The following DENND2C variants were observed in gnomAD, a reference collection of about 807,000 sequenced individuals.
The protein encoded by DENND2C is DENN domain-containing protein 2C.
A neutral mutation model predicts 112.4 loss-of-function variants in DENND2C; 72 were observed. The ratio of observed to expected loss-of-function variants is 0.64; its 90% CI spans 0.53 to 0.78. DENND2C has a LOEUF of 0.78. DENND2C is among the 30% of genes least tolerant of loss of function. The pLI, the probability that DENND2C is intolerant of heterozygous loss-of-function variation, is 0.00. For missense variants in DENND2C, 992 were observed against 1,113.8 expected (o/e 0.89, Z 1.56); for synonymous variants, 329 against 381.6 (o/e 0.86, Z 1.61).
At chr1:114,657,018 T>G (rs1193671629) in intron 1 of DENND2C, among the ~76,000 whole-genome samples, 1 of 152,230 alleles carries the variant, frequency 6.6e-6, no homozygotes, top group African/African-American at 2.4e-5. Context: ...CCCAAAGTGC[T>G]GGGATTACAG....
Position 114,609,381 on chromosome 1 carries a change from T to C in DENND2C, c.1370-508A>G, listed in dbSNP as rs2101654079. 1.3e-5 allele frequency among the ~76,000 whole-genome samples: 2 copies of C among 152,338 alleles called. 1 individual carries two copies. The highest frequency in any genetic ancestry group is 3.9e-4 in the East Asian group (2 of 5,194). ...AAAATTTTCCTCACATTGAAGAAACTGTCCAGTTCCCTTCTCTCCTTGCCA... is the reference window on the plus strand; with the variant it reads ...AAAATTTTCCTCACATTGAAGAAACCGTCCAGTTCCCTTCTCTCCTTGCCA... On this transcript the variant is annotated intron_variant, in intron 9 of 20. Coordinates refer to ENST00000393274, the MANE Select transcript of DENND2C (RefSeq NM_001256404.2).
chr1:114,594,337 A>C (rs1655281442), intron 18 of DENND2C, 136 bp downstream of exon 18: 4 of 681,284 alleles, frequency 5.9e-6, no homozygotes, highest in Non-Finnish European at 1.0e-5. Context: ...ATAAGCAAGG[A>C]AGCTGATTAT....
intron 8 of DENND2C, among the ~76,000 whole-genome samples, chr1:114,615,911 T>A (rs1357657510): frequency 6.6e-6 from 1 of 151,852 alleles, no homozygotes; most frequent in Non-Finnish European, 1.5e-5. Context: ...CCGTCTCTAC[T>A]AAAAATACAA....
At chr1:114,654,336 G>A (rs1657248049) in intron 2 of DENND2C, among the ~76,000 whole-genome samples, 169 bp downstream of exon 2, 1 of 152,142 alleles carries the variant, frequency 6.6e-6, no homozygotes, top group South Asian at 2.1e-4. Flanking sequence ...GGAGGCTGAG[G>A]CAGGGGAATG....
At position 114,585,577 on chromosome 1, in the gene DENND2C, C is replaced by G; in HGVS notation, c.*23G>C. 4 of 1,612,928 alleles carry G rather than the reference C, an allele frequency of 2.5e-6. No homozygotes were observed. Among genetic ancestry groups the G allele is most frequent in the Non-Finnish European group, 3.4e-6 (4 of 1,179,134 alleles). ...TCTTTGGCACTTTCTGTTGTATATT[C>G]AGGATGGAGACAATCAGAGATTTCA... On this transcript the variant is annotated 3_prime_UTR_variant, in exon 21 of 21. Transcript: ENST00000393274.
intron 7 of DENND2C, 98 bp from the exon 8 acceptor site, chr1:114,618,580 ACCT>A (rs1656067913): frequency 3.2e-6 from 2 of 625,254 alleles, no homozygotes. Flanking sequence ...CAGAGAAAAG[ACCT>A]ATTTTATAAA....
rs1161725566 is a variant in DENND2C at position 114,585,540 on chromosome 1, A to G, written c.*60T>C. 4.4e-6 allele frequency: 7 copies of G among 1,577,196 alleles called. No individual in the cohort carries two copies. Among genetic ancestry groups the G allele is most frequent in the Non-Finnish European group, 6.1e-6 (7 of 1,148,926 alleles). On this transcript the variant is annotated 3_prime_UTR_variant, in exon 21 of 21. Coordinates refer to ENST00000393274, the MANE Select transcript of DENND2C (RefSeq NM_001256404.2). ...AATACTTCATGGGATCCTGACCCTT[A>G]GAAAAATATTTTCTTTGGCACTTTC...
At chr1:114,603,164 G>C (rs577184872) in intron 11 of DENND2C, among the ~76,000 whole-genome samples, 2 of 149,330 alleles carry the variant, frequency 1.3e-5, no homozygotes. Flanking sequence ...TTTCTGAGAC[G>C]GAGTCTCACT....
At chr1:114,668,386 G>C (rs2101704790) in intron 1 of DENND2C, among the ~76,000 whole-genome samples, 1 of 152,118 alleles carries the variant, frequency 6.6e-6, no homozygotes, top group Non-Finnish European at 1.5e-5. Flanking sequence ...TAAAATTCTT[G>C]CCTATAACTT....
At chr1:114,654,292 C>T (rs746069279) in intron 2 of DENND2C, among the ~76,000 whole-genome samples, 20 of 151,966 alleles carry the variant, frequency 1.3e-4, no homozygotes, top group Non-Finnish European at 2.5e-4. Flanking sequence ...ATTAGCCGGG[C>T]GTGGTGGTGG....
At chr1:114,642,545 C>T (rs1449633069) in intron 3 of DENND2C, among the ~76,000 whole-genome samples, 1 of 152,188 alleles carries the variant, frequency 6.6e-6, no homozygotes, top group East Asian at 1.9e-4. Context: ...AGAATGATCA[C>T]AATGTTTACA....
In DENND2C at chr1:114,623,643, C is replaced by T; in HGVS notation, c.807G>A (p.Arg269=). 1 of 1,584,322 alleles carries T rather than the reference C, an allele frequency of 6.3e-7. No individual in the cohort carries two copies. The highest frequency in any genetic ancestry group is 8.6e-7 in the Non-Finnish European group (1 of 1,168,434). The change falls in exon 5 of 21, where the codon AGG becomes AGA. Residue 269 remains arginine (R), a splice_region_variant and synonymous_variant. Transcript: ENST00000393274. ...YGGKIRGRSK[R]KSFEFEDIQH... ...GAATATCCTCAAATTCAAAGGATTT[C>T]CTTAAAAAAGGAGATATATTTTAAA... is the stretch of plus-strand genomic sequence containing the variant.
chr1:114,589,263 T>A (rs916194103), intron 18 of DENND2C, among the ~76,000 whole-genome samples: 1 of 152,148 alleles, frequency 6.6e-6, no homozygotes, highest in Non-Finnish European at 1.5e-5. Flanking sequence ...TTCCCAGGGA[T>A]CCACACAGGA....
chr1:114,628,564 G>C (rs1308174626), intron 3 of DENND2C, among the ~76,000 whole-genome samples: 1 of 152,124 alleles, frequency 6.6e-6, no homozygotes, highest in Non-Finnish European at 1.5e-5. Flanking sequence ...ATTTTAACTA[G>C]ATCTATGACT....
chr1:114,586,005 T>C (rs931882043), intron 20 of DENND2C, among the ~76,000 whole-genome samples: 2 of 152,270 alleles, frequency 1.3e-5, no homozygotes, highest in East Asian at 1.9e-4. Context: ...TCTAACCCCA[T>C]TGTATAAAGA....
intron 7 of DENND2C, among the ~76,000 whole-genome samples, chr1:114,620,233 A>T (rs1195937789): frequency 6.6e-6 from 1 of 152,200 alleles, no homozygotes; most frequent in Non-Finnish European, 1.5e-5. Context: ...ATTCAATCCA[A>T]GGAGGGTCAC....
At chr1:114,595,632 T>G in intron 17 of DENND2C, 200 bp downstream of exon 17, 2 of 506,632 alleles carry the variant, frequency 3.9e-6, no homozygotes, top group Non-Finnish European at 7.0e-6. Context: ...CTTCCTCCTT[T>G]GGGATAGGCA....
rs148242650 is a variant in DENND2C at position 114,624,550 on chromosome 1, C to T, written c.806+629G>A. Among the ~76,000 whole-genome samples the T allele has an allele frequency of 5.9e-3, 893 of 151,134 alleles. 14 individuals carry two copies. The highest frequency in any genetic ancestry group is 0.02 in the African/African-American group (841 of 41,172). ...CTTGAACTCCTGGCCTCAAGTGATC[C>T]TCCTGCCCCAGCCACCCAAAGTGCT... On this transcript the variant is annotated intron_variant, in intron 4 of 20. Transcript: ENST00000393274.
At chr1:114,634,798 C>T (rs868257761) in intron 3 of DENND2C, among the ~76,000 whole-genome samples, 5 of 151,904 alleles carry the variant, frequency 3.3e-5, no homozygotes, top group Non-Finnish European at 5.9e-5. Context: ...GAGGCCGAGG[C>T]GAGCAGATCA....
Sources: gnomAD v4.1 joint callset for allele counts (sites outside exome capture counted in the v4.1 genomes callset) on GRCh38, gnomAD v4.1.1 for gene constraint, MANE v1.5 for transcripts, NCBI Gene and HGNC (gene_info 2026-07-23, HGNC 2026-07-21) for gene names.